Variants in DLG2 observed in about 807,000 individuals in gnomAD.
The protein encoded by DLG2 is disks large homolog 2.
A neutral mutation model predicts 132.5 loss-of-function variants in DLG2; 45 were observed. That is an observed-to-expected ratio of 0.34 (90% CI 0.27 to 0.44). The LOEUF (loss-of-function observed/expected upper bound fraction) is 0.44. Among genes scored for constraint, DLG2 ranks in the 20% least tolerant of loss-of-function variants. DLG2 has a pLI of 1.00. For synonymous variants in DLG2, 424 were observed against 419.6 expected (o/e 1.01, Z -0.13); for missense variants, 1,045 against 1,196.9 (o/e 0.87, Z 1.87).
chr11:84,113,073 G>A (rs2093445785), intron 9 of DLG2, among the ~76,000 whole-genome samples: 1 of 152,088 alleles, frequency 6.6e-6, no homozygotes, highest in Admixed American at 6.5e-5. Context: ...GATAACTGTT[G>A]GTGTCTTAGT....
At chr11:84,227,266 T>C (rs1215739529) in intron 8 of DLG2, among the ~76,000 whole-genome samples, 2 of 151,780 alleles carry the variant, frequency 1.3e-5, no homozygotes, top group African/African-American at 2.4e-5. Flanking sequence ...ATATTAGACG[T>C]AGACAAAAAT....
intron 21 of DLG2, 88 bp downstream of exon 21, chr11:83,532,620 T>A: frequency 9.3e-7 from 1 of 1,069,950 alleles, no homozygotes; most frequent in Non-Finnish European, 1.4e-6. Flanking sequence ...CTTCATAATT[T>A]GTTTGCTACT....
At chr11:83,937,921 G>A (rs1038698594) in intron 14 of DLG2, among the ~76,000 whole-genome samples, 3 of 152,162 alleles carry the variant, frequency 2.0e-5, no homozygotes, top group African/African-American at 7.2e-5. Context: ...TATTTCAGGA[G>A]TTTTAGAAGT....
At chr11:84,028,482 T>G (rs969429068) in intron 11 of DLG2, among the ~76,000 whole-genome samples, 1 of 84,114 alleles carries the variant, frequency 1.2e-5, no homozygotes, top group Non-Finnish European at 2.5e-5. Flanking sequence ...ATGAAATAAT[T>G]TTTTTTGAAC....
In DLG2 at chr11:84,386,458, G is replaced by A. The variant is rs370717732; in HGVS notation, c.520-135167C>T. On this transcript the variant is annotated intron_variant, in intron 7 of 27. Transcript: ENST00000376104. Reference sequence around the variant, plus strand: ...TCCTCAACTCCACAATCTGTAAAATGTCAATATTAGTCATCATTCTTCCTT... The same window carrying A: ...TCCTCAACTCCACAATCTGTAAAATATCAATATTAGTCATCATTCTTCCTT... Among the ~76,000 whole-genome samples the A allele has an allele frequency of 1.9e-4, 29 of 152,098 alleles. No homozygotes were observed. In the East Asian group the frequency reaches 4.4e-3, roughly 23 times the overall value.
At chr11:84,069,601 G>A (rs2096727052) in intron 10 of DLG2, among the ~76,000 whole-genome samples, 1 of 152,140 alleles carries the variant, frequency 6.6e-6, no homozygotes. Flanking sequence ...TCGGGTTTAT[G>A]ATCCATAGAA....
At chr11:83,736,854 C>T (rs2091965831) in intron 18 of DLG2, among the ~76,000 whole-genome samples, 1 of 152,136 alleles carries the variant, frequency 6.6e-6, no homozygotes, top group African/African-American at 2.4e-5. Flanking sequence ...CCAATGAAAC[C>T]TGATGCTGGC....
chr11:84,928,160 A>T (rs1040467732), intron 6 of DLG2, among the ~76,000 whole-genome samples: 1 of 151,982 alleles, frequency 6.6e-6, no homozygotes, highest in African/African-American at 2.4e-5. Flanking sequence ...AGTGGAGGCT[A>T]AAGATTCTGA....
At chr11:85,152,801 C>T (rs2077341799) in intron 5 of DLG2, among the ~76,000 whole-genome samples, 1 of 152,238 alleles carries the variant, frequency 6.6e-6, no homozygotes, top group Admixed American at 6.5e-5. Context: ...GTGTTTCTAC[C>T]TTGTTACCTC....
intron 3 of DLG2, among the ~76,000 whole-genome samples, chr11:85,287,437 T>C (rs1455271627): frequency 6.6e-6 from 1 of 152,052 alleles, no homozygotes; most frequent in Non-Finnish European, 1.5e-5. Flanking sequence ...TCATTGGTGA[T>C]AAAAAATACA....
chr11:84,387,492 G>C (rs1394087240), intron 7 of DLG2, among the ~76,000 whole-genome samples: 1 of 152,048 alleles, frequency 6.6e-6, no homozygotes, highest in Non-Finnish European at 1.5e-5. Flanking sequence ...TCAGTGTTCA[G>C]CTTTGTTGCC....
intron 6 of DLG2, among the ~76,000 whole-genome samples, chr11:84,741,672 T>C (rs1430718107): frequency 6.6e-6 from 1 of 151,870 alleles, no homozygotes; most frequent in African/African-American, 2.4e-5. Context: ...TATCTTTCCC[T>C]ATGAAACCCA....
intron 9 of DLG2, among the ~76,000 whole-genome samples, chr11:84,124,219 G>C (rs2094057671): frequency 6.6e-6 from 1 of 152,108 alleles, no homozygotes; most frequent in African/African-American, 2.4e-5. Context: ...CTATGTTATA[G>C]GTTTAACCAG....
intron 11 of DLG2, among the ~76,000 whole-genome samples, chr11:84,038,195 A>G (rs2449586): frequency 0.017 from 2,557 of 152,088 alleles, 27 homozygotes; most frequent in Non-Finnish European, 0.025. Context: ...TAAACTATCA[A>G]CTGAGCAAAC....
chr11:84,763,904 G>A (rs2153871131), intron 6 of DLG2, among the ~76,000 whole-genome samples: 1 of 152,168 alleles, frequency 6.6e-6, no homozygotes, highest in Non-Finnish European at 1.5e-5. Flanking sequence ...TGTGTTTGTT[G>A]GGGTGAGGGG....
chr11:84,355,314 G>C (rs2098604686), intron 7 of DLG2, among the ~76,000 whole-genome samples: 1 of 152,082 alleles, frequency 6.6e-6, no homozygotes. Flanking sequence ...TTGTATCCCT[G>C]CAAAATTTAT....
At chr11:83,968,975 CGAT>C (rs1311184041) in intron 12 of DLG2, among the ~76,000 whole-genome samples, 9 of 151,946 alleles carry the variant, frequency 5.9e-5, no homozygotes, top group Admixed American at 2.0e-4. Context: ...AGAAATAACA[CGAT>C]AATAATAATA....
intron 11 of DLG2, 43 bp downstream of exon 11, chr11:84,059,272 T>A (rs371084702): frequency 1.9e-5 from 31 of 1,590,282 alleles, no homozygotes; most frequent in Non-Finnish European, 2.6e-5. Context: ...TTCAGTCAGA[T>A]GGTTTGTCAC....
chr11:83,904,595 T>C (rs912712670), intron 15 of DLG2, among the ~76,000 whole-genome samples: 3 of 152,196 alleles, frequency 2.0e-5, no homozygotes, highest in Non-Finnish European at 2.9e-5. Flanking sequence ...TTTTCAAAGA[T>C]ATTTGTATAG....
Sources: allele counts gnomAD v4.1 joint callset (sites outside exome capture counted in the v4.1 genomes callset), GRCh38; gene constraint gnomAD v4.1.1; transcripts MANE v1.5; gene names NCBI Gene and HGNC (gene_info 2026-07-23, HGNC 2026-07-21).